The following ARHGEF7 variants were observed in gnomAD, a reference collection of about 807,000 sequenced individuals.
ARHGEF7 encodes PAK-interacting exchange factor beta.
A neutral mutation model predicts 109.8 loss-of-function variants in ARHGEF7; 33 were observed. The ratio of observed to expected loss-of-function variants is 0.30; its 90% CI spans 0.23 to 0.40. The LOEUF (loss-of-function observed/expected upper bound fraction) is 0.40, where lower values mean the gene tolerates loss of function less well. Among genes scored for constraint, ARHGEF7 ranks in the 10% least tolerant of loss-of-function variants. ARHGEF7 has a pLI of 1.00. For missense variants in ARHGEF7, 938 were observed against 1,098.5 expected (o/e 0.85, Z 2.07); for synonymous variants, 458 against 424.6 (o/e 1.08, Z -0.97).
At chr13:111,205,553 C>A in intron 3 of ARHGEF7, among the ~76,000 whole-genome samples, 180 bp downstream of exon 3, 1 of 152,122 alleles carries the variant, frequency 6.6e-6, no homozygotes, top group Non-Finnish European at 1.5e-5. Flanking sequence ...AGAATAGAAT[C>A]TTCTTTAAAT....
intron 15 of ARHGEF7, 29 bp from the exon 16 acceptor site, chr13:111,283,110 C>T (rs373564404): frequency 1.3e-5 from 20 of 1,559,680 alleles, no homozygotes; most frequent in Non-Finnish European, 1.7e-5. Flanking sequence ...CTCATGTTCT[C>T]TGCCCTTCCC....
intron 5 of ARHGEF7, among the ~76,000 whole-genome samples, chr13:111,222,227 A>G (rs2084537870): frequency 6.6e-6 from 1 of 152,130 alleles, no homozygotes; most frequent in Non-Finnish European, 1.5e-5. Flanking sequence ...ACTGAGACCT[A>G]AGTAACTTTG....
At chr13:111,211,626 C>T (rs552302616) in intron 4 of ARHGEF7, among the ~76,000 whole-genome samples, 2 of 152,274 alleles carry the variant, frequency 1.3e-5, no homozygotes, top group Admixed American at 1.3e-4. Context: ...GAGCTGCTTT[C>T]TCTTTGATGG....
intron 6 of ARHGEF7, chr13:111,241,288 G>T: frequency 6.5e-7 from 1 of 1,536,206 alleles, no homozygotes; most frequent in African/African-American, 1.4e-5. Context: ...GTCTCATGGG[G>T]TCCTGCAGCA....
In ARHGEF7 at chr13:111,206,969, AAAAAAAG is replaced by A. The variant is rs1439415163; in HGVS notation, c.337+1602_337+1608del. On this transcript the variant is annotated intron_variant, in intron 3 of 21. Coordinates refer to ENST00000646102, the MANE Select transcript of ARHGEF7 (RefSeq NM_001354046.2). ...AGAGCGAGACTCCATCTAAAAAAAA[AAAAAAAG>A]AAAAAGAAAAAAAAAGAAAATCACT... is the stretch of plus-strand genomic sequence containing the variant. 1.3e-4 allele frequency among the ~76,000 whole-genome samples: 19 copies of A among 141,136 alleles called. No homozygotes were observed. In the East Asian group the frequency reaches 1.6e-3, roughly 12 times the overall value. 92.6% of individuals were successfully genotyped at this position (141,136 alleles called of 152,430 possible).
intron 6 of ARHGEF7, among the ~76,000 whole-genome samples, chr13:111,238,999 C>T (rs2087278503): frequency 6.6e-6 from 1 of 152,124 alleles, no homozygotes; most frequent in Non-Finnish European, 1.5e-5. Context: ...GCGGAAGGCA[C>T]CTCTTCACGA....
chr13:111,283,436 T>A lies in ARHGEF7; in HGVS notation c.1950+73T>A, dbSNP rs1465120890. The A allele has an allele frequency of 3.3e-6, 5 of 1,503,820 alleles. No homozygotes were observed. The Admixed American group carries it at 6.3e-5, about 19-fold the overall frequency. The allele number at this position is 1,503,820 out of a possible 1,614,324, so 93.2% of individuals were successfully genotyped here. Reference sequence around the variant, plus strand: ...TCGGGCCCTGGGTGTGCCCACGTGCTGGGCCTTCTGTGTACAGCAAAATGC... The same window carrying A: ...TCGGGCCCTGGGTGTGCCCACGTGCAGGGCCTTCTGTGTACAGCAAAATGC... On this transcript the variant is annotated intron_variant, in intron 16 of 21. Coordinates refer to ENST00000646102, the MANE Select transcript of ARHGEF7 (RefSeq NM_001354046.2).
chr13:111,279,659 A>G (rs1376030978), intron 13 of ARHGEF7, among the ~76,000 whole-genome samples: 2 of 151,536 alleles, frequency 1.3e-5, no homozygotes, highest in Non-Finnish European at 2.9e-5. Context: ...ATCACTTTGT[A>G]CCCCCTTTCT....
chr13:111,176,153 T>C (rs1412212901), intron 2 of ARHGEF7, among the ~76,000 whole-genome samples: 1 of 152,174 alleles, frequency 6.6e-6, no homozygotes, highest in East Asian at 1.9e-4. Flanking sequence ...ACCAGCACCA[T>C]GCTCTGCCTA....
chr13:111,244,733 A>C (rs902122978), intron 8 of ARHGEF7, among the ~76,000 whole-genome samples: 5 of 152,222 alleles, frequency 3.3e-5, no homozygotes, highest in Non-Finnish European at 7.3e-5. Context: ...GAAATAACAT[A>C]TTAGGTTGGT....
chr13:111,271,810 A>G (rs904857990), intron 9 of ARHGEF7, among the ~76,000 whole-genome samples: 5 of 152,340 alleles, frequency 3.3e-5, no homozygotes, highest in Middle Eastern at 3.4e-3. Context: ...TAATTTTTTT[A>G]CAAGTGGATA....
intron 2 of ARHGEF7, among the ~76,000 whole-genome samples, chr13:111,177,003 C>T (rs769809757): frequency 2.6e-5 from 4 of 152,224 alleles, no homozygotes; most frequent in Non-Finnish European, 5.9e-5. Flanking sequence ...GTGATCCACC[C>T]GCCTTGGCCT....
intron 12 of ARHGEF7, 82 bp from the exon 13 acceptor site, chr13:111,277,505 A>G (rs1316183252): frequency 2.2e-5 from 19 of 855,062 alleles, no homozygotes; most frequent in Admixed American, 5.7e-5. Context: ...AGGGCCTAGT[A>G]TAAATAAGTG....
intron 5 of ARHGEF7, among the ~76,000 whole-genome samples, chr13:111,221,217 C>A (rs1401556501): frequency 1.5e-4 from 6 of 40,062 alleles, no homozygotes; most frequent in Middle Eastern, 0.031. Flanking sequence ...ATATATATGT[C>A]TATATATATC....
chr13:111,225,246 T>A (rs1566889517), intron 5 of ARHGEF7, among the ~76,000 whole-genome samples: 1 of 152,156 alleles, frequency 6.6e-6, no homozygotes. Flanking sequence ...TTCTCTTTTT[T>A]AAAAAAGTTT....
intron 1 of ARHGEF7, chr13:111,122,752 C>G (rs1262190914): frequency 6.6e-6 from 1 of 152,218 alleles, no homozygotes; most frequent in East Asian, 1.9e-4. Flanking sequence ...AAGAGAAATG[C>G]TAGGATCTTG....
Position 111,273,428 on chromosome 13 carries a change from G to C in ARHGEF7, c.1074-386G>C, listed in dbSNP as rs1055511353. On this transcript the variant is annotated intron_variant, in intron 9 of 21. Coordinates refer to ENST00000646102, the MANE Select transcript of ARHGEF7 (RefSeq NM_001354046.2). This position sits in a 1 kb window ranked among gnomAD's most constrained non-coding sequence, Gnocchi z 4.5. ...CTCTAGCTCTTTACCGGAGCAGCTCGGTCCTTGTTCTACCACCTTGAGACT... is the reference window on the plus strand; with the variant it reads ...CTCTAGCTCTTTACCGGAGCAGCTCCGTCCTTGTTCTACCACCTTGAGACT... Among the ~76,000 whole-genome samples the C allele has an allele frequency of 2.0e-5, 3 of 152,198 alleles. No individual in the cohort carries two copies.
intron 3 of ARHGEF7, among the ~76,000 whole-genome samples, chr13:111,205,734 C>G (rs957460005): frequency 1.3e-4 from 20 of 151,988 alleles, no homozygotes; most frequent in African/African-American, 4.8e-4. Flanking sequence ...AAATTTGTAT[C>G]TAGTGGGCAG....
At chr13:111,168,735 A>G (rs2153409627) in intron 2 of ARHGEF7, among the ~76,000 whole-genome samples, 2 of 152,336 alleles carry the variant, frequency 1.3e-5, no homozygotes, top group East Asian at 3.9e-4. Context: ...TTTGAAACTA[A>G]ACAAAGGAAA....
Sources: allele counts gnomAD v4.1 joint callset (sites outside exome capture counted in the v4.1 genomes callset), GRCh38; gene constraint gnomAD v4.1.1; non-coding constraint Gnocchi (gnomAD v3.1); transcripts MANE v1.5; gene names NCBI Gene and HGNC (gene_info 2026-07-23, HGNC 2026-07-21).